SLC16A10: variants seen among roughly 807,000 people sequenced by gnomAD.
The protein encoded by SLC16A10 is solute carrier family 16 member 10.
A neutral mutation model predicts 40.0 loss-of-function variants in SLC16A10; 27 were observed. The ratio of observed to expected loss-of-function variants is 0.67; its 90% confidence interval spans 0.50 to 0.93. SLC16A10 has a LOEUF of 0.93. Among genes scored for constraint, SLC16A10 ranks in the 40% least tolerant of loss-of-function variants. The pLI is 0.00. For synonymous variants in SLC16A10, 213 were observed against 249.8 expected, an observed-to-expected ratio of 0.85 and a Z score of 1.39; for missense variants, 529 against 658.2, an observed-to-expected ratio of 0.80 and a Z score of 2.15.
intron 4 of SLC16A10, among the ~76,000 whole-genome samples, chr6:111,216,220 C>T (rs1246330641): frequency 1.3e-5 from 2 of 152,150 alleles, no homozygotes; most frequent in African/African-American, 4.8e-5. Context: ...TTCCAACCTG[C>T]CAGGCTGTAG....
At position 111,135,047 on chromosome 6, in the gene SLC16A10, G is replaced by A. The variant is rs571517555; in HGVS notation, c.344-37648G>A. Among the ~76,000 whole-genome samples, 8 of 152,272 alleles carry A rather than the reference G, an allele frequency of 5.3e-5. No individual in the cohort carries two copies. In the East Asian group the frequency reaches 1.5e-3, roughly 29 times the overall value. On this transcript the variant is annotated intron_variant, in intron 1 of 5. Coordinates refer to ENST00000368851, the MANE Select transcript of SLC16A10 (RefSeq NM_018593.5). ...TCCCAGCCACTAAGTTGTGACTGGG[G>A]AACTTTACTGTTTTCACATGCTTTT... is the stretch of plus-strand genomic sequence containing the variant.
intron 3 of SLC16A10, among the ~76,000 whole-genome samples, chr6:111,199,281 G>A (rs354535): frequency 0.55 from 83,587 of 151,820 alleles, 23,055 homozygotes; most frequent in East Asian, 0.71. Context: ...GCAACATGGT[G>A]AAACTCTGTC....
At chr6:111,097,111 T>G (rs1200400564) in intron 1 of SLC16A10, among the ~76,000 whole-genome samples, 1 of 151,976 alleles carries the variant, frequency 6.6e-6, no homozygotes, top group Non-Finnish European at 1.5e-5. Flanking sequence ...TTTGAGCCAC[T>G]GTGCCTGGCC....
chr6:111,201,039 A>G (rs1773159233), intron 3 of SLC16A10, among the ~76,000 whole-genome samples: 1 of 152,082 alleles, frequency 6.6e-6, no homozygotes, highest in South Asian at 2.1e-4. Flanking sequence ...TTATTATCCC[A>G]TTTTTTGATG....
chr6:111,102,372 A>G (rs1432069762), intron 1 of SLC16A10, among the ~76,000 whole-genome samples: 1 of 152,230 alleles, frequency 6.6e-6, no homozygotes, highest in African/African-American at 2.4e-5. Flanking sequence ...TAATTTGATA[A>G]GTACTAATGA....
In SLC16A10 at chr6:111,230,969, C is replaced by T. The variant is rs907904619; in HGVS notation, c.*8734C>T. The stretch of plus-strand genomic sequence containing the variant: ...AATGTAGATCACTATGCTGAATGCT[C>T]ATGCTGGATTTGACCAGTATGCAGT... On this transcript the variant is annotated 3_prime_UTR_variant, in exon 6 of 6. Transcript: ENST00000368851. 2 of 152,108 alleles carry T rather than the reference C, an allele frequency of 1.3e-5. No individual in the cohort carries two copies. Among genetic ancestry groups the T allele is most frequent in the South Asian group, 2.1e-4 (1 of 4,832 alleles). 9.4% of individuals were successfully genotyped at this position (152,108 alleles called of 1,614,324 possible).
Position 111,222,084 on chromosome 6 carries a change from T to C in SLC16A10, c.1397T>C (p.Leu466Pro). 2.5e-6 allele frequency: 4 copies of C among 1,610,212 alleles called. No homozygotes were observed. The highest frequency in any genetic ancestry group is 1.1e-5 in the South Asian group (1 of 90,174). Reference sequence around the variant, plus strand: ...CCTCCCCTTATTGGAGGTGCTGTGCTTTGTTTTATCCCGTGGATCCATAGT... The same window carrying C: ...CCTCCCCTTATTGGAGGTGCTGTGCCTTGTTTTATCCCGTGGATCCATAGT... ...GVPPLIGGAV[L>P]CFIPWIHSKK... The change falls in exon 6 of 6, where the codon CTT becomes CCT. Residue 466 changes from leucine to proline, a missense_variant. By Grantham distance (98) the Leu-to-Pro change is moderately conservative (BLOSUM62 -3). Coordinates refer to ENST00000368851, the MANE Select transcript of SLC16A10 (RefSeq NM_018593.5).
intron 4 of SLC16A10, among the ~76,000 whole-genome samples, chr6:111,212,546 G>A (rs1221310855): frequency 2.6e-5 from 4 of 151,978 alleles, no homozygotes; most frequent in Admixed American, 6.6e-5. Context: ...TAATCCCAGC[G>A]CTTTGGGAGG....
chr6:111,104,096 T>G (rs1044255501), intron 1 of SLC16A10, among the ~76,000 whole-genome samples: 10 of 152,060 alleles, frequency 6.6e-5, no homozygotes, highest in African/African-American at 2.4e-4. Flanking sequence ...GGATATGTAG[T>G]GAAAGGTCAT....
chr6:111,191,906 C>T (rs1773000018), intron 3 of SLC16A10, among the ~76,000 whole-genome samples: 1 of 152,024 alleles, frequency 6.6e-6, no homozygotes, highest in Non-Finnish European at 1.5e-5. Context: ...CTTGTAGATT[C>T]TGGATATTAA....
At chr6:111,118,937 C>CA (rs1771537189) in intron 1 of SLC16A10, among the ~76,000 whole-genome samples, 1 of 152,132 alleles carries the variant, frequency 6.6e-6, no homozygotes, top group Non-Finnish European at 1.5e-5. Flanking sequence ...AAAGTAGGAA[C>CA]AGGACCAAAA....
chr6:111,153,541 AAAAATT>A (rs1336581118), intron 1 of SLC16A10, among the ~76,000 whole-genome samples: 17 of 152,116 alleles, frequency 1.1e-4, no homozygotes, highest in East Asian at 1.9e-4. Flanking sequence ...CTCAAAAAAA[AAAAATT>A]AAATTAAAAC....
intron 1 of SLC16A10, among the ~76,000 whole-genome samples, chr6:111,128,803 A>C (rs564215744): frequency 2.2e-4 from 33 of 152,212 alleles, no homozygotes; most frequent in Non-Finnish European, 4.1e-4. Context: ...TTTGTAAATC[A>C]AGAAAAATCT....
chr6:111,205,546 T>C (rs538073447), intron 3 of SLC16A10, among the ~76,000 whole-genome samples: 13 of 152,348 alleles, frequency 8.5e-5, no homozygotes, highest in Non-Finnish European at 1.6e-4. Flanking sequence ...TGCCAAACAC[T>C]GTTCTAAGCT....
rs186288723 is a variant in SLC16A10, at chr6:111,159,305, A to T, written c.344-13390A>T. On this transcript the variant is annotated intron_variant, in intron 1 of 5. Transcript: ENST00000368851. ...TTCATTTATTTTACCGCTGATGGGCAATTTAGGTTATTTCCAGATTTTTAC... is the reference window on the plus strand; with the variant it reads ...TTCATTTATTTTACCGCTGATGGGCTATTTAGGTTATTTCCAGATTTTTAC... Among the ~76,000 whole-genome samples, 340 of 152,148 alleles carry T rather than the reference A, an allele frequency of 2.2e-3. 1 individual carries two copies. The highest frequency in any genetic ancestry group is 7.8e-3 in the African/African-American group (324 of 41,502).
At chr6:111,199,350 T>C (rs1773129798) in intron 3 of SLC16A10, among the ~76,000 whole-genome samples, 1 of 151,732 alleles carries the variant, frequency 6.6e-6, no homozygotes, top group African/African-American at 2.4e-5. Context: ...TCCCAGCTAC[T>C]TGGGAGGCTG....
chr6:111,192,208 T>C (rs1162486633), intron 3 of SLC16A10, among the ~76,000 whole-genome samples: 1 of 152,210 alleles, frequency 6.6e-6, no homozygotes, highest in Non-Finnish European at 1.5e-5. Context: ...TTGAACACTT[T>C]GCTGCTTAGA....
At chr6:111,143,124 G>T (rs758511861) in intron 1 of SLC16A10, among the ~76,000 whole-genome samples, 1 of 152,168 alleles carries the variant, frequency 6.6e-6, no homozygotes, top group Non-Finnish European at 1.5e-5. Flanking sequence ...CTGTCATCCA[G>T]GCTGGAATGC....
chr6:111,107,126 C>T (rs181056738), intron 1 of SLC16A10, among the ~76,000 whole-genome samples: 179 of 151,936 alleles, frequency 1.2e-3, no homozygotes, highest in African/African-American at 3.9e-3. Flanking sequence ...AATAAAGAAA[C>T]GTATGAGGGG....
Sources: allele counts gnomAD v4.1 joint callset (sites outside exome capture counted in the v4.1 genomes callset), GRCh38; gene constraint gnomAD v4.1.1; transcripts MANE v1.5; gene names NCBI Gene and HGNC (gene_info 2026-07-23, HGNC 2026-07-21).